The following LIFR variants were observed in gnomAD, a reference collection of about 807,000 sequenced individuals.
LIFR encodes the protein LIF receptor subunit alpha, also known as leukemia inhibitory factor receptor.
LIFR carries 84 observed loss-of-function variants against 122.2 expected under a neutral mutation model. That is an observed-to-expected ratio of 0.69 (90% CI 0.58 to 0.82). The LOEUF (loss-of-function observed/expected upper bound fraction) is 0.82, where lower values mean the gene tolerates loss of function less well. Ranked by LOEUF, LIFR falls within the 40% of genes least tolerant of loss-of-function variation. The pLI is 0.00. For missense variants in LIFR, 1,294 were observed against 1,311.6 expected, an observed-to-expected ratio of 0.99 and a Z score of 0.21; for synonymous variants, 422 against 434.7, an observed-to-expected ratio of 0.97 and a Z score of 0.36.
chr5:38,607,137 T>C (rs1294897430), intron 1 of LIFR, among the ~76,000 whole-genome samples: 2 of 152,224 alleles, frequency 1.3e-5, no homozygotes, highest in African/African-American at 4.8e-5. Flanking sequence ...GGTATCTTCT[T>C]TGGATTATTT....
rs1321550712 is a variant in LIFR at position 38,506,493 on chromosome 5, T to C, written c.1121+10A>G. On this transcript the variant is annotated intron_variant, in intron 8 of 19. Transcript: ENST00000453190. The stretch of plus-strand genomic sequence containing the variant: ...CTTGCCATCTGACATCTTTTCCCAG[T>C]TATCATTACCTTTCAACTAAAGTGT... 1 of 1,614,068 alleles carries C rather than the reference T, an allele frequency of 6.2e-7. No homozygotes were observed. The highest frequency in any genetic ancestry group is 8.5e-7 in the Non-Finnish European group (1 of 1,179,952).
chr5:38,507,765 T>C (rs1301586542), intron 7 of LIFR, among the ~76,000 whole-genome samples: 2 of 151,838 alleles, frequency 1.3e-5, no homozygotes, highest in East Asian at 3.9e-4. Flanking sequence ...TCTGTAAAAT[T>C]TTTTTTTCAC....
intron 5 of LIFR, among the ~76,000 whole-genome samples, chr5:38,520,833 T>C (rs547441430): frequency 1.3e-5 from 2 of 152,328 alleles, no homozygotes; most frequent in South Asian, 2.1e-4. Context: ...TTGATTACTA[T>C]AGATAACCTT....
chr5:38,565,609 C>T (rs962106073), intron 1 of LIFR, among the ~76,000 whole-genome samples: 7 of 141,400 alleles, frequency 5.0e-5, no homozygotes, highest in East Asian at 4.1e-4. Context: ...TTTTTTTAGA[C>T]GGAGTTTCGC....
intron 5 of LIFR, 26 bp from the exon 6 acceptor site, chr5:38,511,990 T>A: frequency 6.2e-7 from 1 of 1,611,054 alleles, no homozygotes; most frequent in Non-Finnish European, 8.5e-7. Flanking sequence ...AACACAAAAC[T>A]GTATTTCCAA....
chr5:38,517,964 A>T (rs572284409), intron 5 of LIFR, among the ~76,000 whole-genome samples: 5 of 150,724 alleles, frequency 3.3e-5, no homozygotes, highest in African/African-American at 1.2e-4. Flanking sequence ...AACAAACAAA[A>T]AAAAACAGCT....
intron 1 of LIFR, among the ~76,000 whole-genome samples, chr5:38,562,866 G>A (rs1748886423): frequency 6.6e-6 from 1 of 152,146 alleles, no homozygotes; most frequent in Non-Finnish European, 1.5e-5. Flanking sequence ...TTACACATTT[G>A]CCAATAGGCA....
At position 38,481,141 on chromosome 5, in the gene LIFR, A is replaced by C; in HGVS notation, c.*454T>G. ...AATCTGTGCTTGGTTTTCATCTAGA[A>C]AGGAGTAAACGTCAGGCAAATAAAC... On this transcript the variant is annotated 3_prime_UTR_variant, in exon 20 of 20. Transcript: ENST00000453190. 2 of 256,272 alleles carry C rather than the reference A, an allele frequency of 7.8e-6. No individual in the cohort carries two copies. The highest frequency in any genetic ancestry group is 9.7e-5 in the Admixed American group (2 of 20,566). 15.9% of individuals were successfully genotyped at this position (256,272 alleles called of 1,614,324 possible). A position where few individuals can be genotyped will look rare whatever the true frequency, so the allele number is the denominator to read the frequency against.
rs765576724 is a variant in LIFR at position 38,523,487 on chromosome 5, GAAA to G, written c.490_492del (p.Phe164del). 1.2e-6 allele frequency: 2 copies of G among 1,613,562 alleles called. No individual in the cohort carries two copies. Among genetic ancestry groups the G allele is most frequent in the Non-Finnish European group, 1.7e-6 (2 of 1,179,698 alleles). On this transcript the variant is annotated inframe_deletion, in exon 5 of 20. Transcript: ENST00000453190. Reference sequence around the variant, plus strand: ...TCCCAGATAACATTTGAGCGGTGTGGAAAAACTGAACCCCTGTCGTTCCACTTT... The same window carrying G: ...TCCCAGATAACATTTGAGCGGTGTGGAACTGAACCCCTGTCGTTCCACTTT...
Position 38,528,851 on chromosome 5 carries a change from C to A in LIFR, c.143-11G>T. The A allele has an allele frequency of 4.5e-6, 1 of 221,628 alleles. No homozygotes were observed. The highest frequency in any genetic ancestry group is 6.3e-5 in the East Asian group (1 of 15,890). 13.7% of individuals were successfully genotyped at this position (221,628 alleles called of 1,614,324 possible). ...AATCATGAGGAGCCCCTGGAGGAGACACACACACACACACACACACACACA... is the reference window on the plus strand; with the variant it reads ...AATCATGAGGAGCCCCTGGAGGAGAAACACACACACACACACACACACACA... On this transcript the variant is annotated splice_polypyrimidine_tract_variant and intron_variant, in intron 2 of 19. Coordinates refer to ENST00000453190, the MANE Select transcript of LIFR (RefSeq NM_001127671.2).
At position 38,475,577 on chromosome 5, in the gene LIFR, A is replaced by T. The variant is rs989820767; in HGVS notation, c.*6018T>A. 5.3e-6 allele frequency: 1 copy of T among 188,082 alleles called. No individual in the cohort carries two copies. Among genetic ancestry groups the T allele is most frequent in the Non-Finnish European group, 1.1e-5 (1 of 89,084 alleles). The allele number at this position is 188,082 out of a possible 1,614,324, so 11.7% of individuals were successfully genotyped here. On this transcript the variant is annotated 3_prime_UTR_variant, in exon 20 of 20. Transcript: ENST00000453190. ...TTAGTAAACAGTTACTAGTATTTAT[A>T]AAAAACTTAAAATATTTAACATATA... is the stretch of plus-strand genomic sequence containing the variant.
intron 1 of LIFR, among the ~76,000 whole-genome samples, chr5:38,564,735 T>TACACACACACACAC (rs3047301): frequency 2.3e-4 from 31 of 137,494 alleles, no homozygotes; most frequent in South Asian, 1.2e-3. Flanking sequence ...ACACACACAC[T>TACACACACACACAC]ACACACACAC....
At chr5:38,569,855 T>G (rs943680358) in intron 1 of LIFR, among the ~76,000 whole-genome samples, 34 of 152,236 alleles carry the variant, frequency 2.2e-4, no homozygotes, top group African/African-American at 7.5e-4. Flanking sequence ...ATTCATTTCA[T>G]TCTGCCTAGA....
chr5:38,484,566 GA>G (rs1264439101), intron 18 of LIFR, among the ~76,000 whole-genome samples: 1 of 152,060 alleles, frequency 6.6e-6, no homozygotes, highest in Non-Finnish European at 1.5e-5. Context: ...AAAAATAGTA[GA>G]AAAAATTTAC....
upstream of LIFR, among the ~76,000 whole-genome samples, chr5:38,597,907 A>G (rs147576539): frequency 1.3e-5 from 2 of 152,308 alleles, no homozygotes; most frequent in South Asian, 2.1e-4. Context: ...TTTTATGCAT[A>G]AAGCACATAC....
chr5:38,550,243 ATCCCCATATGGCCATAAATTTTT>A (rs1193601861), intron 1 of LIFR: 1 of 976,200 alleles, frequency 1.0e-6, no homozygotes, highest in Non-Finnish European at 1.2e-6. Context: ...AAACAATCAT[ATCCCCATATGGCCATAAATTTTT>A]AAAATAGCTG....
intron 7 of LIFR, among the ~76,000 whole-genome samples, chr5:38,507,454 T>C (rs573724093): frequency 7.3e-5 from 11 of 151,136 alleles, no homozygotes; most frequent in African/African-American, 2.7e-4. Flanking sequence ...GTCTCAGCTA[T>C]TCGGGAGGCT....
Position 38,485,906 on chromosome 5 carries a change from T to C in LIFR, c.2410A>G (p.Lys804Glu), listed in dbSNP as rs148664975. ...CGCAAGACCAGGTGGTAACTTGTTT[T>C]ACCTTGAAGATCAGCAATTCTCAGT... ...KTLRIADLQGKTSYHLVLRAY... is the reference protein window; with the variant it reads ...KTLRIADLQGETSYHLVLRAY... Residue 804 changes from lysine to glutamate, a missense_variant, in exon 17 of 20, where the codon AAA becomes GAA. By Grantham distance (56) the Lys-to-Glu change is moderately conservative. Coordinates refer to ENST00000453190, the MANE Select transcript of LIFR (RefSeq NM_001127671.2). 8.5e-4 allele frequency: 1,378 copies of C among 1,614,182 alleles called. 3 individuals carry two copies. Among genetic ancestry groups the C allele is most frequent in the Non-Finnish European group, 1.1e-3 (1,293 of 1,180,000 alleles).
At chr5:38,528,628 G>A (rs2112563700) in intron 3 of LIFR, 98 bp downstream of exon 3, 1 of 797,878 alleles carries the variant, frequency 1.3e-6, no homozygotes, top group East Asian at 2.7e-5. Flanking sequence ...ACACAAGCAG[G>A]AAATAACCCT....
Sources: gnomAD v4.1 joint callset for allele counts (sites outside exome capture counted in the v4.1 genomes callset) on GRCh38, gnomAD v4.1.1 for gene constraint, MANE v1.5 for transcripts, NCBI Gene and HGNC (gene_info 2026-07-23, HGNC 2026-07-21) for gene names.